The following ZMYM2 variants were observed in gnomAD, a reference collection of about 807,000 sequenced individuals.
ZMYM2 encodes the protein zinc finger MYM-type protein 2.
In ZMYM2, 56 loss-of-function variants were observed where a neutral mutation model predicts 162.8. That is an observed-to-expected ratio of 0.34 (90% CI 0.28 to 0.43). The LOEUF (loss-of-function observed/expected upper bound fraction) is 0.43, where lower values mean the gene tolerates loss of function less well. ZMYM2 is among the 20% of genes least tolerant of loss of function. The probability of loss-of-function intolerance (pLI) is 1.00; values close to 1 mark genes in which losing one functional copy is unlikely to be tolerated. For synonymous variants in ZMYM2, 510 were observed against 541.6 expected (o/e 0.94, Z 0.81); for missense variants, 1,275 against 1,621.8 (o/e 0.79, Z 3.67).
chr13:19,881,624 T>C, the ZMYM2 span, among the ~76,000 whole-genome samples: 1 of 111,238 alleles, frequency 9.0e-6, no homozygotes, highest in East Asian at 2.4e-4. Flanking sequence ...TCAGTCTCAA[T>C]AAAAAATAAA....
the ZMYM2 span, among the ~76,000 whole-genome samples, chr13:19,915,864 CT>C: frequency 2.2e-4 from 31 of 143,878 alleles, no homozygotes; most frequent in African/African-American, 2.8e-4. Flanking sequence ...TGAAATGACA[CT>C]TTTTTTTTTT....
chr13:19,913,607 C>T, the ZMYM2 span, among the ~76,000 whole-genome samples: 1 of 152,182 alleles, frequency 6.6e-6, no homozygotes, highest in Non-Finnish European at 1.5e-5. Flanking sequence ...TGTCTGTAAT[C>T]CCAGCTACTC....
chr13:19,991,624 C>CTTT (rs11413369), intron 2 of ZMYM2, among the ~76,000 whole-genome samples: 1,905 of 131,336 alleles, frequency 0.015, 49 homozygotes, highest in African/African-American at 0.05. Context: ...TTTTCTTTTT[C>CTTT]TTTTTTTTTT....
the ZMYM2 span, among the ~76,000 whole-genome samples, chr13:19,928,819 C>T: frequency 2.0e-3 from 304 of 151,716 alleles, no homozygotes; most frequent in African/African-American, 7.0e-3. Flanking sequence ...AACAAAAACC[C>T]GTCTTAGTAG....
At chr13:20,061,438 T>C (rs374782375) in intron 17 of ZMYM2, among the ~76,000 whole-genome samples, 137 of 152,304 alleles carry the variant, frequency 9.0e-4, no homozygotes, top group African/African-American at 2.9e-3. Flanking sequence ...TGGTCTTTGG[T>C]CTCTGTTTTA....
chr13:19,938,992 A>G, the ZMYM2 span, among the ~76,000 whole-genome samples: 2 of 151,722 alleles, frequency 1.3e-5, no homozygotes, highest in Non-Finnish European at 2.9e-5. Flanking sequence ...CAAAAAAGCC[A>G]ATTAGATGTA....
intron 17 of ZMYM2, 127 bp downstream of exon 17, chr13:20,061,351 CAAAAAT>C: frequency 1.2e-6 from 1 of 824,362 alleles, no homozygotes; most frequent in South Asian, 6.2e-5. Context: ...AGCATTGTAA[CAAAAAT>C]GTTTTTTATA....
chr13:19,886,973 C>G, the ZMYM2 span, among the ~76,000 whole-genome samples: 1 of 151,692 alleles, frequency 6.6e-6, no homozygotes, highest in Non-Finnish European at 1.5e-5. Context: ...AAATTTCACT[C>G]AGTTTTAATT....
At chr13:20,014,762 G>GTTTTTT (rs71070286) in intron 6 of ZMYM2, among the ~76,000 whole-genome samples, 14 of 92,816 alleles carry the variant, frequency 1.5e-4, no homozygotes, top group African/African-American at 4.7e-4. Flanking sequence ...TTTACTTTAG[G>GTTTTTT]TTTTTTTTTT....
the ZMYM2 span, among the ~76,000 whole-genome samples, chr13:19,919,909 G>A: frequency 1.8e-4 from 27 of 152,064 alleles, no homozygotes; most frequent in African/African-American, 5.8e-4. Context: ...TCCTGACCTC[G>A]TGATCTGCCT....
intron 10 of ZMYM2, among the ~76,000 whole-genome samples, chr13:20,031,663 GT>G (rs1953150078): frequency 1.3e-5 from 2 of 151,922 alleles, no homozygotes; most frequent in South Asian, 4.1e-4. Context: ...CTGATATATT[GT>G]ATAAGTTCAT....
At chr13:20,010,701 C>T (rs888347414) in intron 6 of ZMYM2, among the ~76,000 whole-genome samples, 8 of 152,020 alleles carry the variant, frequency 5.3e-5, no homozygotes, top group Admixed American at 1.3e-4. Flanking sequence ...AGTGCAGCAG[C>T]GAGATCTTGG....
chr13:19,922,831 G>A, the ZMYM2 span, among the ~76,000 whole-genome samples: 12 of 151,958 alleles, frequency 7.9e-5, no homozygotes, highest in African/African-American at 1.2e-4. Flanking sequence ...GAGACAGAGC[G>A]AGACTCCGTC....
the ZMYM2 span, among the ~76,000 whole-genome samples, chr13:19,890,162 G>A: frequency 1.3e-5 from 2 of 151,766 alleles, no homozygotes; most frequent in South Asian, 2.1e-4. Context: ...GAGTTGTTTC[G>A]TTTTGTTTTG....
chr13:19,903,833 T>C, the ZMYM2 span, among the ~76,000 whole-genome samples: 1 of 151,044 alleles, frequency 6.6e-6, no homozygotes, highest in South Asian at 2.1e-4. Flanking sequence ...TGGGTGAGAG[T>C]GAGACCCTGT....
chr13:19,943,489 G>A, the ZMYM2 span, among the ~76,000 whole-genome samples: 24 of 152,224 alleles, frequency 1.6e-4, no homozygotes, highest in African/African-American at 5.8e-4. Flanking sequence ...ATAAAGAATT[G>A]AAAACCACCT....
chr13:19,965,332 TGACTTCTCTTCTAATACTGGA>T lies in ZMYM2; in HGVS notation c.-11+5307_-11+5327del. ...GGTTTTGTTACTTAACATTAAAAAA[TGACTTCTCTTCTAATACTGGA>T]ACAGTTTTATAATCATTCATTTCAA... On this transcript the variant is annotated intron_variant, in intron 2 of 24. Coordinates refer to ENST00000610343, the MANE Select transcript of ZMYM2 (RefSeq NM_197968.4). The T allele has an allele frequency of 3.9e-6, 4 of 1,028,180 alleles. No individual in the cohort carries two copies. In the South Asian group the frequency reaches 5.6e-5, roughly 14 times the overall value. The allele number at this position is 1,028,180 out of a possible 1,614,324, so 63.7% of individuals were successfully genotyped here.
chr13:19,884,033 C>T, the ZMYM2 span, among the ~76,000 whole-genome samples: 1 of 152,186 alleles, frequency 6.6e-6, no homozygotes, highest in Non-Finnish European at 1.5e-5. Flanking sequence ...GCTGGGATCA[C>T]AGGCATGAGC....
At chr13:19,958,084 G>C (rs1356252449), upstream of ZMYM2, among the ~76,000 whole-genome samples, 1 of 152,234 alleles carries the variant, frequency 6.6e-6, no homozygotes, top group Non-Finnish European at 1.5e-5. Flanking sequence ...GGCGGGAGGT[G>C]GGGGACTATT....
Sources: allele counts gnomAD v4.1 joint callset (sites outside exome capture counted in the v4.1 genomes callset), GRCh38; gene constraint gnomAD v4.1.1; transcripts MANE v1.5; gene names NCBI Gene and HGNC (gene_info 2026-07-23, HGNC 2026-07-21).